The following SLF1 variants were observed in gnomAD, a reference collection of about 807,000 sequenced individuals.
SLF1 encodes the protein SMC5/6 complex localization factor 1.
In SLF1, 105 loss-of-function variants were observed where a neutral mutation model predicts 123.0. The ratio of observed to expected loss-of-function variants is 0.85; its 90% CI spans 0.73 to 1.00. The LOEUF (loss-of-function observed/expected upper bound fraction) is 1.00. Among genes scored for constraint, SLF1 ranks in the 50% least tolerant of loss-of-function variants. SLF1 has a pLI of 0.00. For missense variants in SLF1, 1,239 were observed against 1,223.0 expected, an observed-to-expected ratio of 1.01 and a Z score of -0.20; for synonymous variants, 434 against 406.6, an observed-to-expected ratio of 1.07 and a Z score of -0.81.
rs148530115 is a variant in SLF1 at position 94,658,270 on chromosome 5, G to A, written c.1155+3518G>A. On this transcript the variant is annotated intron_variant, in intron 9 of 20. Transcript: ENST00000265140. ...GTTTTCATGGTGGTAGATATCATCC[G>A]TTTGCTTCCAATTGTAGGACTTGCG... Among the ~76,000 whole-genome samples, 130 of 151,050 alleles carry A rather than the reference G, an allele frequency of 8.6e-4. 1 individual carries two copies. The highest frequency in any genetic ancestry group is 2.6e-3 in the African/African-American group (107 of 41,244).
At chr5:94,651,578 C>T in intron 6 of SLF1, 124 bp from the exon 7 acceptor site, 3 of 644,548 alleles carry the variant, frequency 4.7e-6, no homozygotes, top group Non-Finnish European at 7.3e-6. Context: ...CTCTATTTAA[C>T]CTTGTATGTA....
intron 1 of SLF1, among the ~76,000 whole-genome samples, chr5:94,622,037 C>T (rs543611881): frequency 6.6e-6 from 1 of 152,272 alleles, no homozygotes; most frequent in East Asian, 1.9e-4. Context: ...GCTCCTAGGC[C>T]TAAAGGGGCC....
At chr5:94,694,257 T>C (rs781055771) in intron 20 of SLF1, among the ~76,000 whole-genome samples, 35 of 152,066 alleles carry the variant, frequency 2.3e-4, no homozygotes, top group South Asian at 6.2e-4. Flanking sequence ...CTAGTATAGA[T>C]GGATGAGATC....
chr5:94,620,448 G>A (rs1204902521), intron 1 of SLF1, among the ~76,000 whole-genome samples: 2 of 152,214 alleles, frequency 1.3e-5, no homozygotes, highest in Non-Finnish European at 2.9e-5. Context: ...CAGAACTGAA[G>A]ATTTCGTAAT....
rs1561439963 is a variant in SLF1, at chr5:94,649,549, A to C, written c.690A>C (p.Gly230=). The change falls in exon 6 of 21, where the codon GGA becomes GGC. Residue 230 remains glycine (G), a synonymous_variant. Coordinates refer to ENST00000265140, the MANE Select transcript of SLF1 (RefSeq NM_032290.4). ...ETNKDFRKDA[G]FLEMKGALRE... Reference sequence around the variant, plus strand: ...ACAAAGATTTCAGGAAAGATGCAGGATTTCTTGAAATGAAAGGTGCCTTAA... The same window carrying C: ...ACAAAGATTTCAGGAAAGATGCAGGCTTTCTTGAAATGAAAGGTGCCTTAA... The C allele has an allele frequency of 6.5e-7, 1 of 1,538,586 alleles. No homozygotes were observed. The highest frequency in any genetic ancestry group is 8.8e-7 in the Non-Finnish European group (1 of 1,137,864).
At chr5:94,634,842 T>A (rs898594387) in intron 4 of SLF1, among the ~76,000 whole-genome samples, 1 of 152,232 alleles carries the variant, frequency 6.6e-6, no homozygotes, top group African/African-American at 2.4e-5. Flanking sequence ...GCCATTTGTT[T>A]ATCTTGTTAT....
chr5:94,627,833 C>CT lies in SLF1; in HGVS notation c.1-965dup, dbSNP rs550050365. Among the ~76,000 whole-genome samples, 820 of 142,400 alleles carry CT rather than the reference C, an allele frequency of 5.8e-3. 5 individuals are homozygous for CT. Among genetic ancestry groups the CT allele is most frequent in the South Asian group, 0.016 (73 of 4,558 alleles). The allele number at this position is 142,400 out of a possible 152,430, so 93.4% of individuals were successfully genotyped here. On this transcript the variant is annotated intron_variant, in intron 1 of 20. Transcript: ENST00000265140. ...CAAAAGCTCTTAGCGAACAACAGTA[C>CT]TTTTTTTTTTTTTGAGACGGAGTTT...
chr5:94,622,626 T>C (rs1243020081), intron 1 of SLF1, among the ~76,000 whole-genome samples: 1 of 152,188 alleles, frequency 6.6e-6, no homozygotes, highest in African/African-American at 2.4e-5. Flanking sequence ...CTATATACTT[T>C]GTAATATTTT....
intron 11 of SLF1, 61 bp downstream of exon 11, chr5:94,663,969 TTC>T (rs1185277520): frequency 7.1e-7 from 1 of 1,403,932 alleles, no homozygotes; most frequent in Non-Finnish European, 9.4e-7. Flanking sequence ...TGTGAACATT[TTC>T]TCACTTTTTG....
intron 9 of SLF1, among the ~76,000 whole-genome samples, chr5:94,660,591 A>G (rs1748982495): frequency 6.6e-6 from 1 of 152,100 alleles, no homozygotes; most frequent in South Asian, 2.1e-4. Context: ...TTGTGCATTT[A>G]CACAGTGGTG....
intron 14 of SLF1, among the ~76,000 whole-genome samples, chr5:94,673,462 G>T (rs1750701364): frequency 6.6e-6 from 1 of 151,898 alleles, no homozygotes; most frequent in Non-Finnish European, 1.5e-5. Flanking sequence ...ATTGCTTGCG[G>T]CCAGGAGCTC....
chr5:94,677,855 A>G (rs945001657), intron 14 of SLF1, among the ~76,000 whole-genome samples: 8 of 152,134 alleles, frequency 5.3e-5, no homozygotes, highest in African/African-American at 1.7e-4. Context: ...GAAGGTTTGT[A>G]TGCCTTGTTA....
chr5:94,677,787 T>A (rs1369254780), intron 14 of SLF1, among the ~76,000 whole-genome samples: 1 of 152,214 alleles, frequency 6.6e-6, no homozygotes, highest in Non-Finnish European at 1.5e-5. Flanking sequence ...TAGTTTCTAC[T>A]GAATTTTAGA....
At chr5:94,671,618 C>T (rs1435788093) in intron 14 of SLF1, among the ~76,000 whole-genome samples, 7 of 149,562 alleles carry the variant, frequency 4.7e-5, no homozygotes, top group Non-Finnish European at 8.9e-5. Flanking sequence ...TCCTTTTTTG[C>T]GTTACATCAT....
At chr5:94,636,798 A>C in intron 4 of SLF1, among the ~76,000 whole-genome samples, 1 of 140,294 alleles carries the variant, frequency 7.1e-6, no homozygotes, top group East Asian at 2.1e-4. Flanking sequence ...GCTCACTGCA[A>C]CCTCCTCCTC....
intron 4 of SLF1, 118 bp from the exon 5 acceptor site, chr5:94,643,155 G>T (rs1054749559): frequency 2.9e-6 from 2 of 689,108 alleles, no homozygotes; most frequent in Admixed American, 3.7e-5. Context: ...ATTGCCCAAA[G>T]AAATTAGTCC....
At chr5:94,636,104 C>T (rs1016243178) in intron 4 of SLF1, among the ~76,000 whole-genome samples, 1 of 152,164 alleles carries the variant, frequency 6.6e-6, no homozygotes, top group African/African-American at 2.4e-5. Context: ...TTGAGTATAT[C>T]ATAGCCCTCT....
At position 94,626,880 on chromosome 5, in the gene SLF1, G is replaced by A. The variant is rs137900921; in HGVS notation, c.1-1931G>A. Among the ~76,000 whole-genome samples, 13 of 152,272 alleles carry A rather than the reference G, an allele frequency of 8.5e-5. No homozygotes were observed. The East Asian group carries it at 2.5e-3, about 29-fold the overall frequency. On this transcript the variant is annotated intron_variant, in intron 1 of 20. Transcript: ENST00000265140. ...CTCAAGGAGCTTCTCCAACGAAATG[G>A]GGAGTGATGAAGGGTAGAGAAAAAC...
intron 4 of SLF1, among the ~76,000 whole-genome samples, chr5:94,635,136 C>CT (rs75522556): frequency 6.6e-6 from 1 of 151,882 alleles, no homozygotes; most frequent in East Asian, 1.9e-4. Flanking sequence ...TAGTTTATCC[C>CT]GTGTTTTTTT....
Sources: allele counts gnomAD v4.1 joint callset (sites outside exome capture counted in the v4.1 genomes callset), GRCh38; gene constraint gnomAD v4.1.1; transcripts MANE v1.5; gene names NCBI Gene and HGNC (gene_info 2026-07-23, HGNC 2026-07-21).